KCNIP1: variants seen among roughly 807,000 people sequenced by gnomAD.
KCNIP1 encodes the protein potassium voltage-gated channel interacting protein 1, also known as A-type potassium channel modulatory protein KCNIP1.
A neutral mutation model predicts 33.0 loss-of-function variants in KCNIP1; 18 were observed. The ratio of observed to expected loss-of-function variants is 0.55; its 90% CI spans 0.38 to 0.81. KCNIP1 has a LOEUF of 0.81. Among genes scored for constraint, KCNIP1 ranks in the 30% least tolerant of loss-of-function variants. The probability of loss-of-function intolerance (pLI) is 0.00; values close to 1 mark genes in which losing one functional copy is unlikely to be tolerated. For missense variants in KCNIP1, 238 were observed against 271.6 expected (o/e 0.88, Z 0.87); for synonymous variants, 93 against 98.3 (o/e 0.95, Z 0.32).
Position 170,733,351 on chromosome 5 carries a change from A to C in KCNIP1, c.540+447A>C, listed in dbSNP as rs1303033484. On this transcript the variant is annotated intron_variant, in intron 6 of 7. Coordinates refer to ENST00000328939, the MANE Select transcript of KCNIP1 (RefSeq NM_014592.4). ...TGATCCTTGACTAAGGGAGTGGTAT[A>C]ATCATTGGGGCATTTTAGGAAAAAA... Among the ~76,000 whole-genome samples, 6 of 152,312 alleles carry C rather than the reference A, an allele frequency of 3.9e-5. No homozygotes were observed. In the South Asian group the frequency reaches 1.2e-3, roughly 32 times the overall value.
intron 1 of KCNIP1, among the ~76,000 whole-genome samples, chr5:170,481,511 G>T (rs568385141): frequency 1.3e-5 from 2 of 152,098 alleles, no homozygotes; most frequent in Admixed American, 1.3e-4. Flanking sequence ...CCATTATGTT[G>T]TTCTAATGTA....
chr5:170,722,244 T>C (rs1040097483), intron 4 of KCNIP1, among the ~76,000 whole-genome samples: 2 of 152,162 alleles, frequency 1.3e-5, no homozygotes, highest in African/African-American at 4.8e-5. Context: ...TATTATTGAT[T>C]ACCTTTTTAC....
chr5:170,688,879 A>C (rs1762628567), intron 1 of KCNIP1, among the ~76,000 whole-genome samples: 1 of 152,004 alleles, frequency 6.6e-6, no homozygotes, highest in East Asian at 1.9e-4. Context: ...TGTTGTGGTC[A>C]TATAGATCAT....
In KCNIP1 at chr5:170,449,877, A is replaced by T. The variant is rs61331434; in HGVS notation, c.88+95913A>T. Reference sequence around the variant, plus strand: ...GGTCTCTACTTGTAGGAGTTCAGTCAGGGTGGTAGGAAAAATTATAAAAAT... The same window carrying T: ...GGTCTCTACTTGTAGGAGTTCAGTCTGGGTGGTAGGAAAAATTATAAAAAT... On this transcript the variant is annotated intron_variant, in intron 1 of 7. Transcript: ENST00000377360. Among the ~76,000 whole-genome samples, 444 of 152,278 alleles carry T rather than the reference A, an allele frequency of 2.9e-3. 11 individuals are homozygous for T. In the East Asian group the frequency reaches 0.049, roughly 17 times the overall value.
chr5:170,357,441 T>C (rs901904467), intron 1 of KCNIP1, among the ~76,000 whole-genome samples: 2 of 152,360 alleles, frequency 1.3e-5, no homozygotes, highest in East Asian at 3.9e-4. Context: ...ACTCATTACT[T>C]GTTTTCTCAG....
upstream of KCNIP1, among the ~76,000 whole-genome samples, chr5:170,502,649 GT>G (rs1757437779): frequency 6.6e-6 from 1 of 152,194 alleles, no homozygotes; most frequent in East Asian, 1.9e-4. Context: ...GCGCCCATAT[GT>G]TTGTGGGACT....
intron 1 of KCNIP1, among the ~76,000 whole-genome samples, chr5:170,616,245 C>T (rs1164214393): frequency 1.3e-5 from 2 of 152,156 alleles, no homozygotes; most frequent in Non-Finnish European, 2.9e-5. Context: ...TGTAGAAGGG[C>T]CTGGTACTCA....
At chr5:170,483,006 T>G in intron 1 of KCNIP1, 1 of 437,328 alleles carries the variant, frequency 2.3e-6, no homozygotes, top group South Asian at 1.6e-5. Flanking sequence ...AAATTTTAAA[T>G]TAAAGTATGA....
At chr5:170,562,902 C>A (rs956683029) in intron 1 of KCNIP1, among the ~76,000 whole-genome samples, 1 of 152,184 alleles carries the variant, frequency 6.6e-6, no homozygotes, top group Non-Finnish European at 1.5e-5. Context: ...AGTCTCGAGC[C>A]CCAAGGCAGT....
At chr5:170,606,055 G>A (rs77438326) in intron 1 of KCNIP1, among the ~76,000 whole-genome samples, 26,797 of 152,126 alleles carry the variant, frequency 0.18, 2,908 homozygotes, top group East Asian at 0.39. Context: ...GATTACAGGC[G>A]TGAGCCACCA....
intron 1 of KCNIP1, among the ~76,000 whole-genome samples, chr5:170,426,908 G>T (rs913724013): frequency 6.6e-6 from 1 of 152,270 alleles, no homozygotes. Flanking sequence ...CACCCCATGT[G>T]CAGCCTTTGC....
intron 1 of KCNIP1, among the ~76,000 whole-genome samples, chr5:170,677,765 C>T (rs2113786656): frequency 6.6e-6 from 1 of 152,112 alleles, no homozygotes; most frequent in Non-Finnish European, 1.5e-5. Flanking sequence ...ATCATCCTCA[C>T]CTAGAGAAAC....
intron 1 of KCNIP1, among the ~76,000 whole-genome samples, chr5:170,418,394 G>A (rs113936784): frequency 7.2e-5 from 11 of 152,218 alleles, no homozygotes; most frequent in South Asian, 6.2e-4. Context: ...GCACCACTGC[G>A]CTCCAGCCTG....
chr5:170,559,171 C>T (rs1396584545), intron 1 of KCNIP1, among the ~76,000 whole-genome samples: 1 of 152,148 alleles, frequency 6.6e-6, no homozygotes, highest in East Asian at 1.9e-4. Context: ...ATTAATTCCT[C>T]TGTCTTACCA....
chr5:170,435,200 C>T (rs112756166), intron 1 of KCNIP1, among the ~76,000 whole-genome samples: 172 of 152,362 alleles, frequency 1.1e-3, no homozygotes, highest in African/African-American at 4.0e-3. Context: ...AGGCCACAGG[C>T]TGGCTTTTTC....
intron 7 of KCNIP1, among the ~76,000 whole-genome samples, chr5:170,734,257 A>C: frequency 6.6e-6 from 1 of 152,220 alleles, no homozygotes; most frequent in Middle Eastern, 3.4e-3. Flanking sequence ...CTGGGGGGAA[A>C]AAAACCTACA....
chr5:170,723,412 C>T (rs182446121), intron 5 of KCNIP1, among the ~76,000 whole-genome samples: 1 of 152,190 alleles, frequency 6.6e-6, no homozygotes, highest in African/African-American at 2.4e-5. Context: ...AGGTCTATCT[C>T]AAAACTCACT....
At chr5:170,440,519 C>G (rs1173292839) in intron 1 of KCNIP1, among the ~76,000 whole-genome samples, 1 of 152,156 alleles carries the variant, frequency 6.6e-6, no homozygotes, top group East Asian at 1.9e-4. Flanking sequence ...AGGGCCCTTG[C>G]CTGACCCCCT....
At chr5:170,385,955 TAA>T (rs548199277) in intron 1 of KCNIP1, among the ~76,000 whole-genome samples, 2 of 141,756 alleles carry the variant, frequency 1.4e-5, no homozygotes, top group Non-Finnish European at 1.5e-5. Context: ...CCATCTCTAC[TAA>T]AAAAAAAAAA....
Sources: gnomAD v4.1 joint callset for allele counts (sites outside exome capture counted in the v4.1 genomes callset) on GRCh38, gnomAD v4.1.1 for gene constraint, MANE v1.5 for transcripts, NCBI Gene and HGNC (gene_info 2026-07-23, HGNC 2026-07-21) for gene names.